The following CDH12 variants were observed in gnomAD, a reference collection of about 807,000 sequenced individuals.
CDH12 encodes the protein cadherin 12.
Under a neutral mutation model 74.1 loss-of-function variants are expected in CDH12, and 41 were observed. The ratio of observed to expected loss-of-function variants is 0.55; its 90% CI spans 0.43 to 0.72. The LOEUF (loss-of-function observed/expected upper bound fraction) is 0.72, where lower values mean the gene tolerates loss of function less well. Ranked by LOEUF, CDH12 falls within the 30% of genes least tolerant of loss-of-function variation. The probability of loss-of-function intolerance (pLI) is 0.00; values close to 1 mark genes in which losing one functional copy is unlikely to be tolerated. For synonymous variants in CDH12, 399 were observed against 355.0 expected, an observed-to-expected ratio of 1.12 and a Z score of -1.39; for missense variants, 945 against 977.2, an observed-to-expected ratio of 0.97 and a Z score of 0.44.
intron 1 of CDH12, among the ~76,000 whole-genome samples, chr5:22,583,998 C>T (rs1740241135): frequency 6.6e-6 from 1 of 151,760 alleles, no homozygotes; most frequent in Non-Finnish European, 1.5e-5. Context: ...TGGTTCTGCA[C>T]TAATGTATCC....
At chr5:22,477,767 C>T (rs190720478) in intron 2 of CDH12, among the ~76,000 whole-genome samples, 4 of 152,200 alleles carry the variant, frequency 2.6e-5, no homozygotes, top group African/African-American at 9.6e-5. Flanking sequence ...CAACAAAAAC[C>T]TCATGAGCAA....
chr5:21,999,238 T>A (rs553170879), intron 5 of CDH12, among the ~76,000 whole-genome samples: 1 of 152,154 alleles, frequency 6.6e-6, no homozygotes, highest in Non-Finnish European at 1.5e-5. Context: ...CCATTCAGTA[T>A]TCTCTGGGTG....
intron 1 of CDH12, among the ~76,000 whole-genome samples, chr5:22,775,787 T>A (rs1747061296): frequency 6.6e-6 from 1 of 152,162 alleles, no homozygotes; most frequent in Non-Finnish European, 1.5e-5. Context: ...ATGGTTTGAC[T>A]GTGTCCCCGC....
At chr5:22,421,533 C>T (rs1485758835) in intron 2 of CDH12, among the ~76,000 whole-genome samples, 2 of 152,180 alleles carry the variant, frequency 1.3e-5, no homozygotes, top group Non-Finnish European at 2.9e-5. Flanking sequence ...TTTTTTATGG[C>T]TGCATAGTAT....
chr5:22,507,656 T>A (rs758937077), intron 1 of CDH12, among the ~76,000 whole-genome samples: 3 of 152,202 alleles, frequency 2.0e-5, no homozygotes, highest in Admixed American at 6.5e-5. Context: ...GCCATTTCAT[T>A]CCCTTCATCT....
At chr5:22,347,873 G>T (rs1436920023) in intron 3 of CDH12, among the ~76,000 whole-genome samples, 1 of 152,098 alleles carries the variant, frequency 6.6e-6, no homozygotes, top group Non-Finnish European at 1.5e-5. Flanking sequence ...ACCCCATGTG[G>T]ATTTCAACAT....
At chr5:22,434,711 T>A (rs890200864) in intron 2 of CDH12, among the ~76,000 whole-genome samples, 6 of 152,136 alleles carry the variant, frequency 3.9e-5, no homozygotes, top group Non-Finnish European at 8.8e-5. Flanking sequence ...ACACTCCCAA[T>A]TCCATTGTCC....
chr5:21,847,594 C>T (rs10473561), intron 7 of CDH12, among the ~76,000 whole-genome samples: 20,235 of 151,968 alleles, frequency 0.13, 1,481 homozygotes, highest in African/African-American at 0.2. Context: ...GACCCTTCTG[C>T]TTCCTTCTTC....
intron 3 of CDH12, among the ~76,000 whole-genome samples, chr5:22,272,846 C>T (rs10472481): frequency 0.99 from 150,123 of 152,244 alleles, 74,053 homozygotes; most frequent in East Asian, 1. Context: ...GGGTAATTTA[C>T]AAAGGAAAGA....
At chr5:22,777,605 T>C (rs946279017) in intron 1 of CDH12, among the ~76,000 whole-genome samples, 1 of 151,984 alleles carries the variant, frequency 6.6e-6, no homozygotes, top group South Asian at 2.1e-4. Flanking sequence ...TGTGTATGTA[T>C]GTGTGTGTGT....
chr5:22,731,454 T>C (rs7737131), intron 1 of CDH12, among the ~76,000 whole-genome samples: 34,850 of 151,818 alleles, frequency 0.23, 4,457 homozygotes, highest in South Asian at 0.31. Flanking sequence ...TGAAGTCATA[T>C]ATAGAACTCA....
intron 6 of CDH12, among the ~76,000 whole-genome samples, chr5:21,900,812 C>T (rs1209916150): frequency 6.6e-6 from 1 of 152,176 alleles, no homozygotes; most frequent in African/African-American, 2.4e-5. Flanking sequence ...ATAGCGAATG[C>T]TCAGAATGAC....
At chr5:22,011,247 A>G (rs2150152842) in intron 5 of CDH12, among the ~76,000 whole-genome samples, 1 of 152,274 alleles carries the variant, frequency 6.6e-6, no homozygotes, top group African/African-American at 2.4e-5. Flanking sequence ...ATAGAGTATT[A>G]ATTAATACTC....
At chr5:21,880,291 G>A (rs984992913) in intron 6 of CDH12, among the ~76,000 whole-genome samples, 1 of 152,180 alleles carries the variant, frequency 6.6e-6, no homozygotes, top group Admixed American at 6.5e-5. Flanking sequence ...GTTGCTATCA[G>A]TGTTATCTTT....
At position 22,665,475 on chromosome 5, in the gene CDH12, A is replaced by G. The variant is rs1157978424; in HGVS notation, c.-522-160111T>C. 2.0e-5 allele frequency among the ~76,000 whole-genome samples: 3 copies of G among 152,226 alleles called. No individual in the cohort carries two copies. The East Asian group carries it at 5.8e-4, about 29-fold the overall frequency. ...GTAATAATATTGCAGAGAAAGAAATATCTAATGAGCTTCACAGTTGTTTGT... is the reference window on the plus strand; with the variant it reads ...GTAATAATATTGCAGAGAAAGAAATGTCTAATGAGCTTCACAGTTGTTTGT... On this transcript the variant is annotated intron_variant, in intron 1 of 14. Transcript: ENST00000382254.
chr5:21,975,736 A>G (rs16900713), intron 5 of CDH12, among the ~76,000 whole-genome samples: 25,082 of 151,940 alleles, frequency 0.17, 2,398 homozygotes, highest in African/African-American at 0.26. Context: ...TGTTACGAAG[A>G]TCAGAACAAA....
intron 4 of CDH12, chr5:22,152,246 CAAT>C (rs746479692): frequency 6.6e-6 from 1 of 151,998 alleles, no homozygotes; most frequent in African/African-American, 2.4e-5. Flanking sequence ...TAAAAAACAA[CAAT>C]GACAACGACA....
intron 8 of CDH12, among the ~76,000 whole-genome samples, chr5:21,821,447 A>G (rs1489122051): frequency 1.3e-5 from 2 of 151,936 alleles, no homozygotes; most frequent in African/African-American, 4.8e-5. Flanking sequence ...TAGCAAGTTA[A>G]AAAGAAGATA....
intron 6 of CDH12, among the ~76,000 whole-genome samples, chr5:21,875,495 G>C (rs565685603): frequency 3.5e-5 from 1 of 28,478 alleles, no homozygotes; most frequent in East Asian, 1.1e-3. Flanking sequence ...ACAGAATCGT[G>C]TCTGAACTCT....
Sources: allele counts gnomAD v4.1 joint callset (sites outside exome capture counted in the v4.1 genomes callset), GRCh38; gene constraint gnomAD v4.1.1; transcripts MANE v1.5; gene names NCBI Gene and HGNC (gene_info 2026-07-23, HGNC 2026-07-21).